Variants in SALL2 observed in about 807,000 individuals in gnomAD.
SALL2 encodes spalt like transcription factor 2.
A neutral mutation model predicts 58.5 loss-of-function variants in SALL2; 32 were observed. The observed-to-expected ratio is 0.55, with a 90% CI of 0.41 to 0.74. The LOEUF (loss-of-function observed/expected upper bound fraction) is 0.74, where lower values mean the gene tolerates loss of function less well. Among genes scored for constraint, SALL2 ranks in the 30% least tolerant of loss-of-function variants. SALL2 has a pLI of 0.00. For synonymous variants in SALL2, 516 were observed against 513.6 expected (o/e 1.00, Z -0.06); for missense variants, 1,201 against 1,268.9 (o/e 0.95, Z 0.81).
chr14:21,536,983 T>C, exon 1 of SALL2: 2 of 1,449,968 alleles, frequency 1.4e-6, no homozygotes, highest in Non-Finnish European at 1.9e-6. Flanking sequence ...CGGGGTGACC[T>C]GGTCTCGTCT....
At chr14:21,527,201 G>T (rs937455749), upstream of SALL2, among the ~76,000 whole-genome samples, 6 of 152,164 alleles carry the variant, frequency 3.9e-5, no homozygotes, top group African/African-American at 1.2e-4. Context: ...CTAACCTGGG[G>T]GGGAGGGGAG....
At chr14:21,529,696 C>T (rs1373197482), upstream of SALL2, among the ~76,000 whole-genome samples, 1 of 151,966 alleles carries the variant, frequency 6.6e-6, no homozygotes, top group Non-Finnish European at 1.5e-5. Flanking sequence ...GCCTATAATC[C>T]TAGCACTTTT....
At chr14:21,526,532 C>T (rs1594465303), upstream of SALL2, 3 of 1,131,758 alleles carry the variant, frequency 2.7e-6, no homozygotes, top group East Asian at 2.0e-4. Context: ...TTTCCCGGTC[C>T]CTGGCCAGCT....
intron 1 of SALL2, among the ~76,000 whole-genome samples, chr14:21,531,709 C>CTTTTT (rs199554935): frequency 4.3e-5 from 6 of 138,652 alleles, no homozygotes; most frequent in African/African-American, 1.6e-4. Context: ...GCCTGGCCAG[C>CTTTTT]CTTTTTTTTT....
At chr14:21,536,948 G>A in intron 1 of SALL2, 1 of 1,607,670 alleles carries the variant, frequency 6.2e-7, no homozygotes, top group African/African-American at 1.3e-5. Flanking sequence ...GGGAGAGGGA[G>A]GGGCAACGCT....
chr14:21,535,141 C>G (rs753462324), intron 1 of SALL2, among the ~76,000 whole-genome samples: 18 of 151,884 alleles, frequency 1.2e-4, no homozygotes, highest in East Asian at 3.9e-4. Flanking sequence ...ATCAGGAGAT[C>G]CAGAGCATCC....
chr14:21,523,056 ACCAAGG>A lies in SALL2; in HGVS notation c.2660_2665del (p.Thr887_Val889delinsIle). On this transcript the variant is annotated inframe_deletion, in exon 2 of 2. Coordinates refer to ENST00000537235, the MANE Select transcript of SALL2 (RefSeq NM_001364564.1). This position sits in a 1 kb window ranked among gnomAD's most constrained non-coding sequence, Gnocchi z 4.4. ...TGCCTCCTGCAGGCTCAGCTCCTCT[ACCAAGG>A]TCACGCTGGTGGCTTCCCCTTCTGG... 1 of 1,613,994 alleles carries A rather than the reference ACCAAGG, an allele frequency of 6.2e-7. No individual in the cohort carries two copies. The highest frequency in any genetic ancestry group is 2.2e-5 in the East Asian group (1 of 44,858).
rs370614512 is a variant in SALL2 at position 21,535,363 on chromosome 14, A to G, written c.-114+1599T>C. ...CTCTCTCAAAAAAAAAAAAAGAAAA[A>G]AAGAAAAAGAAAAGAAAAGAAAAAA... On this transcript the variant is annotated intron_variant, in intron 1 of 1. Coordinates refer to the SALL2 transcript ENST00000541965. 1.7e-4 allele frequency among the ~76,000 whole-genome samples: 25 copies of G among 148,866 alleles called. No homozygotes were observed. The East Asian group carries it at 6.0e-3, about 36-fold the overall frequency.
chr14:21,525,803 C>G lies in SALL2; in HGVS notation c.68-149G>C, dbSNP rs946710939. 9 of 822,642 alleles carry G rather than the reference C, an allele frequency of 1.1e-5. No homozygotes were observed. The highest frequency in any genetic ancestry group is 1.6e-5 in the Non-Finnish European group (9 of 567,390). 51.0% of individuals were successfully genotyped at this position (822,642 alleles called of 1,614,324 possible). A position where few individuals can be genotyped will look rare whatever the true frequency, so the allele number is the denominator to read the frequency against. ...CCATGCAGAAGTCTAGAGCTCAGGC[C>G]TGATCCGTGTGGACAGGAGACAACC... On this transcript the variant is annotated intron_variant, in intron 1 of 1. Coordinates refer to ENST00000537235, the MANE Select transcript of SALL2 (RefSeq NM_001364564.1). This position sits in a 1 kb window ranked among gnomAD's most constrained non-coding sequence, Gnocchi z 4.4.
intron 1 of SALL2, among the ~76,000 whole-genome samples, chr14:21,535,831 AG>A (rs1291515382): frequency 6.6e-6 from 1 of 152,202 alleles, no homozygotes; most frequent in Non-Finnish European, 1.5e-5. Flanking sequence ...ACCACTGACA[AG>A]TATGTCCAAA....
chr14:21,532,760 G>A (rs4296177), intron 1 of SALL2, among the ~76,000 whole-genome samples: 57,951 of 151,790 alleles, frequency 0.38, 11,156 homozygotes, highest in Middle Eastern at 0.49. Context: ...TCAGGAGATC[G>A]AGACCATCCT....
At position 21,524,686 on chromosome 14, in the gene SALL2, G is replaced by A; in HGVS notation, c.1036C>T (p.Leu346=). 6.2e-7 allele frequency: 1 copy of A among 1,614,040 alleles called. No homozygotes were observed. Among genetic ancestry groups the A allele is most frequent in the Non-Finnish European group, 8.5e-7 (1 of 1,180,026 alleles). The change falls in exon 2 of 2, where the codon CTG becomes TTG. Residue 346 remains leucine, a synonymous_variant. Coordinates refer to ENST00000537235, the MANE Select transcript of SALL2 (RefSeq NM_001364564.1). ...TCACCACTTCCATTCTTTGGCTTCA[G>A]GAGCCCTGGGGAGGCAGTGGCCTCA... The part of the protein sequence containing the change: ...GLEATASPGL[L]KPKNGSGELS...
At position 21,523,247 on chromosome 14, in the gene SALL2, A is replaced by G; in HGVS notation, c.2475T>C (p.Ser825=). The stretch of plus-strand genomic sequence containing the variant: ...AAGACTGTTGAGTAGTTTTCTCATT[A>G]CTGTCCATCTCCTTCCCAGCTGTGG... The part of the protein sequence containing the change: ...AAATAGKEMD[S]NEKTTQQSSL... The change falls in exon 2 of 2, where the codon AGT becomes AGC. Residue 825 remains serine (S), a synonymous_variant. Coordinates refer to ENST00000537235, the MANE Select transcript of SALL2 (RefSeq NM_001364564.1). The surrounding 1 kb of genome is among the most constrained non-coding windows in gnomAD (Gnocchi z 4.4). 6.2e-7 allele frequency: 1 copy of G among 1,613,782 alleles called. No homozygotes were observed. Among genetic ancestry groups the G allele is most frequent in the South Asian group, 1.1e-5 (1 of 91,074 alleles).
intron 1 of SALL2, among the ~76,000 whole-genome samples, chr14:21,534,653 G>C (rs1892546554): frequency 6.6e-6 from 1 of 152,092 alleles, no homozygotes; most frequent in Non-Finnish European, 1.5e-5. Flanking sequence ...TGGGGGTTTG[G>C]AGGGGTGTTC....
chr14:21,523,277 T>TGCC lies in SALL2; in HGVS notation c.2442_2444dup (p.Ala817dup). The TGCC allele has an allele frequency of 6.2e-7, 1 of 1,613,548 alleles. No homozygotes were observed. The highest frequency in any genetic ancestry group is 8.5e-7 in the Non-Finnish European group (1 of 1,179,990). ...CCATCTCCTTCCCAGCTGTGGCTGCTGCCGCCACTGTCCCCACCTCCTCCT... is the reference window on the plus strand; with the variant it reads ...CCATCTCCTTCCCAGCTGTGGCTGCTGCCGCCGCCACTGTCCCCACCTCCTCCT... On this transcript the variant is annotated inframe_insertion, in exon 2 of 2. Transcript: ENST00000537235. This position sits in a 1 kb window ranked among gnomAD's most constrained non-coding sequence, Gnocchi z 4.4.
Position 21,525,475 on chromosome 14 carries a change from C to G in SALL2, c.247G>C (p.Gly83Arg), listed in dbSNP as rs751531249. The G allele has an allele frequency of 6.2e-7, 1 of 1,613,832 alleles. No individual in the cohort carries two copies. Among genetic ancestry groups the G allele is most frequent in the East Asian group, 2.2e-5 (1 of 44,852 alleles). ...SSASSEPRPE[G>R]HNNPQVMDTE... is the part of the protein sequence containing the mutation. ...TCCATGACCTGAGGATTATTGTGAC[C>G]CTCAGGCCGGGGTTCAGAGGAGGCC... The change falls in exon 2 of 2, where the codon GGT (glycine) becomes CGT (arginine). Residue 83 changes from glycine (G) to arginine (R), a missense_variant. This residue lies in a region of SALL2 where 467 missense variants were observed against 468.9 expected (regional missense o/e 1.00). Transcript: ENST00000537235. The surrounding 1 kb of genome is among the most constrained non-coding windows in gnomAD (Gnocchi z 4.4).
chr14:21,526,543 C>T, upstream of SALL2: 1 of 1,113,922 alleles, frequency 9.0e-7, no homozygotes, highest in Non-Finnish European at 1.1e-6. Flanking sequence ...CTGGCCAGCT[C>T]CCCCCATCTG....
chr14:21,531,090 C>T (rs1892449851), upstream of SALL2, among the ~76,000 whole-genome samples: 1 of 152,228 alleles, frequency 6.6e-6, no homozygotes, highest in Non-Finnish European at 1.5e-5. Context: ...ACTAATGTAA[C>T]TATGGCCTAT....
In SALL2 at chr14:21,526,214, G is replaced by C; in HGVS notation, c.-87C>G. The C allele has an allele frequency of 2.0e-6, 3 of 1,508,516 alleles. No individual in the cohort carries two copies. The highest frequency in any genetic ancestry group is 2.1e-5 in the Admixed American group (1 of 48,438). 93.4% of individuals were successfully genotyped at this position (1,508,516 alleles called of 1,614,324 possible). On this transcript the variant is annotated 5_prime_UTR_variant, in exon 1 of 2. Coordinates refer to ENST00000537235, the MANE Select transcript of SALL2 (RefSeq NM_001364564.1). The stretch of plus-strand genomic sequence containing the variant: ...GGCGATGGCCGCTGGGTCTGCGGCA[G>C]CCTCTGCACCCAGCGGCCCAGACTG...
Sources: allele counts gnomAD v4.1 joint callset (sites outside exome capture counted in the v4.1 genomes callset), GRCh38; gene constraint gnomAD v4.1.1; regional missense constraint gnomAD v4.1.1; non-coding constraint Gnocchi (gnomAD v3.1); transcripts MANE v1.5; gene names NCBI Gene and HGNC (gene_info 2026-07-23, HGNC 2026-07-21).